The following TMTC1 variants were observed in gnomAD, a reference collection of about 807,000 sequenced individuals.
TMTC1 encodes transmembrane O-mannosyltransferase targeting cadherins 1.
In TMTC1, 73 loss-of-function variants were observed where a neutral mutation model predicts 104.8. That is an observed-to-expected ratio of 0.70 (90% confidence interval 0.58 to 0.85). The LOEUF (loss-of-function observed/expected upper bound fraction) is 0.85. Ranked by LOEUF, TMTC1 falls within the 40% of genes least tolerant of loss-of-function variation. The pLI, the probability that TMTC1 is intolerant of heterozygous loss-of-function variation, is 0.00. For synonymous variants in TMTC1, 434 were observed against 428.7 expected, an observed-to-expected ratio of 1.01 and a Z score of -0.15; for missense variants, 1,035 against 1,096.1, an observed-to-expected ratio of 0.94 and a Z score of 0.79.
intron 2 of TMTC1, among the ~76,000 whole-genome samples, chr12:29,759,865 T>C (rs944969824): frequency 2.0e-5 from 3 of 152,138 alleles, no homozygotes; most frequent in Admixed American, 6.5e-5. Context: ...TTAAAATAAA[T>C]GGTACAATAA....
At chr12:29,530,801 A>G (rs1020171041) in intron 11 of TMTC1, among the ~76,000 whole-genome samples, 1 of 151,790 alleles carries the variant, frequency 6.6e-6, no homozygotes, top group African/African-American at 2.4e-5. Flanking sequence ...TTAAGTTGAC[A>G]TATTAGAAGT....
intron 10 of TMTC1, among the ~76,000 whole-genome samples, chr12:29,550,946 A>G (rs1391210326): frequency 5.9e-5 from 1 of 16,996 alleles, no homozygotes; most frequent in African/African-American, 1.2e-4. Flanking sequence ...AAAAAAAAAA[A>G]AAAAAAAAAA....
chr12:29,720,493 C>T (rs1172012889), intron 5 of TMTC1, among the ~76,000 whole-genome samples: 1 of 151,952 alleles, frequency 6.6e-6, no homozygotes, highest in Non-Finnish European at 1.5e-5. Context: ...ACAAAAAGTA[C>T]CTCTAGAAAT....
intron 5 of TMTC1, among the ~76,000 whole-genome samples, chr12:29,735,795 C>A (rs1305112150): frequency 6.6e-6 from 1 of 152,168 alleles, no homozygotes; most frequent in South Asian, 2.1e-4. Context: ...AGGGCCACAT[C>A]CACCTACCTC....
chr12:29,783,488 G>T lies in TMTC1; in HGVS notation c.264C>A (p.Ser88Arg). The change falls in exon 1 of 18, where the codon AGC (serine) becomes AGA (arginine). Residue 88 changes from serine (S) to arginine (R), a missense_variant. Transcript: ENST00000539277. The surrounding 1 kb of genome is among the most constrained non-coding windows in gnomAD (Gnocchi z 4.7). ...FWGKGMAENT[S>R]HKSYRPLCVL... ...CGCAGAGCGGCCGGTAGGACTTGTG[G>T]CTGGTGTTCTCGGCCATGCCCTTGC... 7.2e-7 allele frequency: 1 copy of T among 1,385,118 alleles called. No individual in the cohort carries two copies. Among genetic ancestry groups the T allele is most frequent in the African/African-American group, 1.5e-5 (1 of 67,488 alleles). 85.8% of individuals were successfully genotyped at this position (1,385,118 alleles called of 1,614,324 possible). A position where few individuals can be genotyped will look rare whatever the true frequency, so the allele number is the denominator to read the frequency against.
chr12:29,601,510 T>G (rs1359414179), intron 7 of TMTC1, among the ~76,000 whole-genome samples: 1 of 152,164 alleles, frequency 6.6e-6, no homozygotes, highest in African/African-American at 2.4e-5. Flanking sequence ...GATCACCACA[T>G]GAGTTGAGCC....
intron 1 of TMTC1, among the ~76,000 whole-genome samples, chr12:29,781,253 C>G (rs773360683): frequency 1.3e-5 from 2 of 152,188 alleles, no homozygotes; most frequent in African/African-American, 4.8e-5. Context: ...TGTTTCTCTT[C>G]TAGATTTGCA....
Position 29,733,357 on chromosome 12 carries a change from G to A in TMTC1, c.938+18309C>T, listed in dbSNP as rs571507766. ...TTCTCAGAATCCTGAGGGGGTAACT[G>A]CGTGGGTCAGACCCAGGCCTAGGGC... is the stretch of plus-strand genomic sequence containing the variant. On this transcript the variant is annotated intron_variant, in intron 5 of 17. Transcript: ENST00000539277. Among the ~76,000 whole-genome samples, 14 of 152,274 alleles carry A rather than the reference G, an allele frequency of 9.2e-5. No individual in the cohort carries two copies. The South Asian group carries it at 1.2e-3, about 14-fold the overall frequency.
At chr12:29,624,473 C>T (rs944996231) in intron 6 of TMTC1, among the ~76,000 whole-genome samples, 15 of 152,290 alleles carry the variant, frequency 9.8e-5, no homozygotes, top group Admixed American at 2.6e-4. Flanking sequence ...CGCACACACT[C>T]GCTCCTTAAT....
chr12:29,678,064 T>C (rs1940792442), intron 5 of TMTC1, among the ~76,000 whole-genome samples: 1 of 152,228 alleles, frequency 6.6e-6, no homozygotes, highest in Non-Finnish European at 1.5e-5. Context: ...GTAATTTATT[T>C]TAGAAATTTA....
chr12:29,606,983 C>A (rs55717418), intron 6 of TMTC1, among the ~76,000 whole-genome samples: 2 of 151,206 alleles, frequency 1.3e-5, no homozygotes, highest in Non-Finnish European at 2.9e-5. Flanking sequence ...GCCCCCCCCC[C>A]TCACTCACGG....
intron 5 of TMTC1, among the ~76,000 whole-genome samples, chr12:29,665,538 T>C (rs1242071970): frequency 6.6e-6 from 1 of 152,174 alleles, no homozygotes; most frequent in Non-Finnish European, 1.5e-5. Flanking sequence ...CCAACCATAA[T>C]CATCTACCCA....
At chr12:29,534,856 G>C (rs946613848) in intron 11 of TMTC1, 1 of 152,134 alleles carries the variant, frequency 6.6e-6, no homozygotes, top group Admixed American at 6.6e-5. Flanking sequence ...AAATACTATA[G>C]GGAAAGTAAG....
chr12:29,747,879 G>T (rs181396869), intron 5 of TMTC1, among the ~76,000 whole-genome samples: 3 of 152,066 alleles, frequency 2.0e-5, no homozygotes, highest in Non-Finnish European at 4.4e-5. Flanking sequence ...CAAATAACTC[G>T]TCTGGGATCA....
chr12:29,583,620 A>G (rs2113880), intron 7 of TMTC1, 46 bp from the exon 8 acceptor site: 402,486 of 1,544,596 alleles, frequency 0.26, 55,627 homozygotes, highest in East Asian at 0.48. Context: ...GGGGTGCAAT[A>G]GCTTCCCCCC....
At chr12:29,556,541 A>G (rs1394185589) in intron 10 of TMTC1, among the ~76,000 whole-genome samples, 1 of 152,246 alleles carries the variant, frequency 6.6e-6, no homozygotes, top group East Asian at 1.9e-4. Context: ...GCTTCTTGCC[A>G]TAAATAAACA....
chr12:29,526,522 G>A (rs557793007), intron 11 of TMTC1, among the ~76,000 whole-genome samples: 1 of 152,116 alleles, frequency 6.6e-6, no homozygotes, highest in East Asian at 1.9e-4. Context: ...TTCTTGTCTT[G>A]CTTGGGTTAG....
chr12:29,745,493 C>T (rs1257569194), intron 5 of TMTC1, among the ~76,000 whole-genome samples: 1 of 151,712 alleles, frequency 6.6e-6, no homozygotes, highest in Admixed American at 6.6e-5. Flanking sequence ...CATGGTGGCA[C>T]ACCTGTAATC....
At chr12:29,770,849 TC>T (rs1943579985) in intron 1 of TMTC1, among the ~76,000 whole-genome samples, 1 of 152,084 alleles carries the variant, frequency 6.6e-6, no homozygotes. Context: ...GAAAAGAAGT[TC>T]TGATTCTGGG....
Sources: allele counts gnomAD v4.1 joint callset (sites outside exome capture counted in the v4.1 genomes callset), GRCh38; gene constraint gnomAD v4.1.1; non-coding constraint Gnocchi (gnomAD v3.1); transcripts MANE v1.5; gene names NCBI Gene and HGNC (gene_info 2026-07-23, HGNC 2026-07-21).